The following PCDHGA9 variants were observed in gnomAD, a reference collection of about 807,000 sequenced individuals.
The protein encoded by PCDHGA9 is protocadherin gamma-A9.
PCDHGA9 carries 37 observed loss-of-function variants against 62.5 expected under a neutral mutation model. The ratio of observed to expected loss-of-function variants is 0.59; its 90% CI spans 0.46 to 0.78. The LOEUF is 0.78. PCDHGA9 is among the 30% of genes least tolerant of loss of function. The probability of loss-of-function intolerance (pLI) is 0.00; values close to 1 mark genes in which losing one functional copy is unlikely to be tolerated. For synonymous variants in PCDHGA9, 459 were observed against 484.6 expected (o/e 0.95, Z 0.69); for missense variants, 1,138 against 1,166.2 (o/e 0.98, Z 0.35).
chr5:141,433,397 A>ATCTG (rs1179042498), intron 1 of PCDHGA9, among the ~76,000 whole-genome samples: 9 of 150,410 alleles, frequency 6.0e-5, no homozygotes, highest in Non-Finnish European at 1.0e-4. Context: ...CTATCTATCT[A>ATCTG]TCTATCTATT....
At chr5:141,454,087 T>A (rs1251936767) in intron 1 of PCDHGA9, among the ~76,000 whole-genome samples, 4 of 152,198 alleles carry the variant, frequency 2.6e-5, no homozygotes, top group Non-Finnish European at 5.9e-5. Context: ...TCAGTGAAAT[T>A]TGAATTGAAC....
Position 141,477,575 on chromosome 5 carries a change from C to T in PCDHGA9, c.2425-17232C>T. The T allele has an allele frequency of 6.2e-7, 1 of 1,614,176 alleles. No individual in the cohort carries two copies. The highest frequency in any genetic ancestry group is 8.5e-7 in the Non-Finnish European group (1 of 1,180,030). On this transcript the variant is annotated intron_variant, in intron 1 of 3. Coordinates refer to ENST00000573521, the MANE Select transcript of PCDHGA9 (RefSeq NM_018921.3). This position sits in a 1 kb window ranked among gnomAD's most constrained non-coding sequence, Gnocchi z 4.9. ...CCTAAGTGTCTGGGACCCCGACGCC[C>T]CGCAGAATGCTCGGCTTTCTTTCTT... is the stretch of plus-strand genomic sequence containing the variant.
chr5:141,423,078 C>T (rs752144906), intron 1 of PCDHGA9: 2 of 1,614,108 alleles, frequency 1.2e-6, no homozygotes, highest in Non-Finnish European at 1.7e-6. Context: ...AGCCGGGACT[C>T]TTCGCGGTGG....
chr5:141,407,338 A>G (rs1016766073), intron 1 of PCDHGA9, among the ~76,000 whole-genome samples: 33 of 152,208 alleles, frequency 2.2e-4, no homozygotes, highest in Non-Finnish European at 1.8e-4. Context: ...ATTGAAATGT[A>G]TGTTAATTTG....
chr5:141,481,179 T>C (rs115525079), intron 1 of PCDHGA9, among the ~76,000 whole-genome samples: 16 of 152,358 alleles, frequency 1.1e-4, no homozygotes, highest in African/African-American at 3.6e-4. Flanking sequence ...TCCAGCTTTA[T>C]TGGGCCAGGC....
intron 1 of PCDHGA9, among the ~76,000 whole-genome samples, chr5:141,437,486 G>A (rs530079212): frequency 2.6e-5 from 4 of 152,224 alleles, no homozygotes; most frequent in South Asian, 2.1e-4. Flanking sequence ...ATTTAATCTC[G>A]TAGATCACTT....
chr5:141,413,227 G>T (rs552225139), intron 1 of PCDHGA9: 2 of 1,613,938 alleles, frequency 1.2e-6, no homozygotes, highest in South Asian at 2.2e-5. Flanking sequence ...CAGCGGGCTG[G>T]TCCTGCTCTG....
intron 2 of PCDHGA9, among the ~76,000 whole-genome samples, chr5:141,503,075 G>C (rs1373753092): frequency 6.6e-6 from 1 of 151,438 alleles, no homozygotes; most frequent in Non-Finnish European, 1.5e-5. Context: ...GAATGGTCTC[G>C]ATCTCCTGAC....
intron 1 of PCDHGA9, chr5:141,426,867 G>C (rs1436078091): frequency 2.2e-6 from 1 of 456,590 alleles, no homozygotes; most frequent in African/African-American, 2.0e-5. Flanking sequence ...ATTAGTGCTG[G>C]AGAAGCCCCT....
chr5:141,463,615 A>G (rs1336539466), intron 1 of PCDHGA9, among the ~76,000 whole-genome samples: 1 of 151,408 alleles, frequency 6.6e-6, no homozygotes, highest in Admixed American at 6.6e-5. Context: ...TGCCCGGCTA[A>G]TTTTTTGTAT....
chr5:141,472,281 C>A (rs944776124), intron 1 of PCDHGA9, among the ~76,000 whole-genome samples: 2 of 152,202 alleles, frequency 1.3e-5, no homozygotes, highest in Non-Finnish European at 2.9e-5. Context: ...GTGGCTCACA[C>A]CTGTAATCCC....
chr5:141,409,831 C>T (rs1015263434), intron 1 of PCDHGA9: 2 of 1,611,128 alleles, frequency 1.2e-6, no homozygotes, highest in Non-Finnish European at 1.7e-6. Flanking sequence ...CCACGCTCAG[C>T]GCCAACGTGA....
At chr5:141,424,717 T>G (rs914445969) in intron 1 of PCDHGA9, 1 of 152,202 alleles carries the variant, frequency 6.6e-6, no homozygotes, top group Non-Finnish European at 1.5e-5. Context: ...TCAGTGTAGT[T>G]GGGAGTCATA....
At chr5:141,426,432 C>T (rs1239073805) in intron 1 of PCDHGA9, 2 of 295,812 alleles carry the variant, frequency 6.8e-6, no homozygotes, top group African/African-American at 2.2e-5. Flanking sequence ...TGGTGGGGAA[C>T]CTTGCGGAGG....
At chr5:141,446,093 GA>G (rs1217618203) in intron 1 of PCDHGA9, among the ~76,000 whole-genome samples, 1 of 152,118 alleles carries the variant, frequency 6.6e-6, no homozygotes, top group Admixed American at 6.5e-5. Flanking sequence ...ATAAATGGAT[GA>G]ATTATAGATA....
chr5:141,495,644 A>C (rs767670166), intron 2 of PCDHGA9, among the ~76,000 whole-genome samples: 1 of 151,770 alleles, frequency 6.6e-6, no homozygotes, highest in African/African-American at 2.4e-5. Flanking sequence ...TCATTTGTCT[A>C]CTTGCATTGA....
chr5:141,487,920 C>G lies in PCDHGA9; in HGVS notation c.2425-6887C>G, dbSNP rs561819225. On this transcript the variant is annotated intron_variant, in intron 1 of 3. Coordinates refer to ENST00000573521, the MANE Select transcript of PCDHGA9 (RefSeq NM_018921.3). This position sits in a 1 kb window ranked among gnomAD's most constrained non-coding sequence, Gnocchi z 5.0. ...TGGAATGTGGGAGCACAGGAGGCTA[C>G]AGTGCACAGGGTACAGTGCACCAGG... The G allele has an allele frequency of 4.7e-6, 3 of 644,662 alleles. No individual in the cohort carries two copies. The Admixed American group carries it at 8.5e-5, about 18-fold the overall frequency. 39.9% of individuals were successfully genotyped at this position (644,662 alleles called of 1,614,324 possible).
At chr5:141,419,686 G>A (rs551990092) in intron 1 of PCDHGA9, 2 of 1,612,760 alleles carry the variant, frequency 1.2e-6, no homozygotes, top group Non-Finnish European at 1.7e-6. Flanking sequence ...ACCACGTGGT[G>A]CAGGCCAGTG....
At position 141,485,811 on chromosome 5, in the gene PCDHGA9, C is replaced by T; in HGVS notation, c.2425-8996C>T. 6.2e-7 allele frequency: 1 copy of T among 1,614,220 alleles called. No homozygotes were observed. The highest frequency in any genetic ancestry group is 8.5e-7 in the Non-Finnish European group (1 of 1,180,028). ...CAATCGGACTACCGCCTGGTGCTGA[C>T]TGCTGTCGATGGAGGGAACCCGCCG... On this transcript the variant is annotated intron_variant, in intron 1 of 3. Transcript: ENST00000573521. This position sits in a 1 kb window ranked among gnomAD's most constrained non-coding sequence, Gnocchi z 5.7.
Sources: gnomAD v4.1 joint callset for allele counts (sites outside exome capture counted in the v4.1 genomes callset) on GRCh38, gnomAD v4.1.1 for gene constraint, Gnocchi (gnomAD v3.1) non-coding constraint, MANE v1.5 for transcripts, NCBI Gene and HGNC (gene_info 2026-07-23, HGNC 2026-07-21) for gene names.